VWA8: variants seen among roughly 807,000 people sequenced by gnomAD.
VWA8 encodes the protein von Willebrand factor A domain-containing protein 8.
In VWA8, 221 loss-of-function variants were observed where a neutral mutation model predicts 241.5. The observed-to-expected ratio is 0.91, with a 90% CI of 0.82 to 1.02. The LOEUF (loss-of-function observed/expected upper bound fraction) is 1.02, where lower values mean the gene tolerates loss of function less well. VWA8 is among the 50% of genes least tolerant of loss of function. The probability of loss-of-function intolerance (pLI) is 0.00; values close to 1 mark genes in which losing one functional copy is unlikely to be tolerated. For synonymous variants in VWA8, 852 were observed against 827.1 expected (o/e 1.03, Z -0.52); for missense variants, 2,322 against 2,328.7 (o/e 1.00, Z 0.06).
At chr13:41,858,703 T>G (rs997663247) in intron 12 of VWA8, among the ~76,000 whole-genome samples, 1 of 152,104 alleles carries the variant, frequency 6.6e-6, no homozygotes, top group Non-Finnish European at 1.5e-5. Context: ...AGTCAACCAT[T>G]TTAAAGTTCT....
At chr13:41,731,276 T>C (rs1410940352) in intron 22 of VWA8, among the ~76,000 whole-genome samples, 1 of 152,064 alleles carries the variant, frequency 6.6e-6, no homozygotes, top group East Asian at 1.9e-4. Flanking sequence ...CAGAGGGACA[T>C]GCCTGGCAGG....
At chr13:41,774,050 C>A (rs902724634) in intron 20 of VWA8, among the ~76,000 whole-genome samples, 3 of 152,062 alleles carry the variant, frequency 2.0e-5, no homozygotes, top group Non-Finnish European at 4.4e-5. Context: ...TCTTATAGCC[C>A]CCTGAAAACA....
chr13:41,747,897 C>T (rs952517844), intron 21 of VWA8, among the ~76,000 whole-genome samples: 14 of 152,240 alleles, frequency 9.2e-5, no homozygotes, highest in African/African-American at 2.6e-4. Flanking sequence ...TGCTGGATTA[C>T]GTTTATTGAT....
At chr13:41,703,743 T>G in intron 26 of VWA8, among the ~76,000 whole-genome samples, 1 of 152,102 alleles carries the variant, frequency 6.6e-6, no homozygotes. Flanking sequence ...AACTTTTCTT[T>G]AAAATTGGAG....
chr13:41,874,816 C>G (rs536631214), intron 9 of VWA8, among the ~76,000 whole-genome samples: 22 of 152,194 alleles, frequency 1.4e-4, no homozygotes, highest in Admixed American at 2.6e-4. Context: ...CACAATCTCT[C>G]CTGGGCTCTT....
At chr13:41,918,267 T>C (rs1285594874) in intron 2 of VWA8, among the ~76,000 whole-genome samples, 2 of 152,196 alleles carry the variant, frequency 1.3e-5, no homozygotes, top group Non-Finnish European at 2.9e-5. Flanking sequence ...GATGTTTCTA[T>C]GATCCAATAT....
chr13:41,586,948 A>G (rs1305324069), intron 42 of VWA8, among the ~76,000 whole-genome samples: 1 of 152,208 alleles, frequency 6.6e-6, no homozygotes, highest in Non-Finnish European at 1.5e-5. Context: ...TCAAGCAGTA[A>G]CACAGCAGCA....
intron 37 of VWA8, among the ~76,000 whole-genome samples, chr13:41,632,698 T>C (rs1050190303): frequency 4.6e-5 from 7 of 152,196 alleles, no homozygotes; most frequent in African/African-American, 1.2e-4. Flanking sequence ...ACAATAATGC[T>C]TATGAATCCA....
At chr13:41,708,878 T>C (rs2045299326) in intron 26 of VWA8, among the ~76,000 whole-genome samples, 1 of 152,226 alleles carries the variant, frequency 6.6e-6, no homozygotes, top group African/African-American at 2.4e-5. Flanking sequence ...TCTGGCTCTC[T>C]TCCTCCTCAC....
chr13:41,738,425 T>C (rs1037447808), intron 21 of VWA8, among the ~76,000 whole-genome samples: 2 of 152,178 alleles, frequency 1.3e-5, no homozygotes, highest in Admixed American at 6.5e-5. Context: ...AGTCACCTGA[T>C]GGAAACTAAA....
At chr13:41,866,727 T>C (rs1236370512) in intron 10 of VWA8, among the ~76,000 whole-genome samples, 3 of 152,172 alleles carry the variant, frequency 2.0e-5, no homozygotes, top group Non-Finnish European at 4.4e-5. Context: ...TTCCCAAAAT[T>C]CTAGTTGTAA....
chr13:41,734,716 G>C (rs569973988), intron 21 of VWA8, among the ~76,000 whole-genome samples: 2 of 152,240 alleles, frequency 1.3e-5, no homozygotes, highest in South Asian at 4.2e-4. Flanking sequence ...CCATAATCCT[G>C]GCTCTCCTGG....
intron 37 of VWA8, among the ~76,000 whole-genome samples, chr13:41,623,762 G>C (rs2044671986): frequency 2.6e-5 from 4 of 152,150 alleles, no homozygotes. Flanking sequence ...TTACTTCTAG[G>C]AGGATATTGT....
At chr13:41,901,889 A>T (rs4459461) in intron 4 of VWA8, among the ~76,000 whole-genome samples, 5,707 of 80,970 alleles carry the variant, frequency 0.07, 269 homozygotes, top group Non-Finnish European at 0.087. Flanking sequence ...AAAAAAAAAA[A>T]ATATATATAT....
chr13:41,567,903 C>T lies in VWA8; in HGVS notation c.*294G>A. 1 of 277,946 alleles carries T rather than the reference C, an allele frequency of 3.6e-6. No individual in the cohort carries two copies. The highest frequency in any genetic ancestry group is 6.7e-6 in the Non-Finnish European group (1 of 149,230). The allele number at this position is 277,946 out of a possible 1,614,324, so 17.2% of individuals were successfully genotyped here. On this transcript the variant is annotated 3_prime_UTR_variant, in exon 45 of 45. Transcript: ENST00000379310. Reference sequence around the variant, plus strand: ...CTCAGGTTTTTGGAAATAGACCAAACACATAGTTCTCAAAACCACCTTCCT... The same window carrying T: ...CTCAGGTTTTTGGAAATAGACCAAATACATAGTTCTCAAAACCACCTTCCT...
At chr13:41,695,646 A>G (rs1279396485) in intron 29 of VWA8, among the ~76,000 whole-genome samples, 1 of 152,180 alleles carries the variant, frequency 6.6e-6, no homozygotes, top group Non-Finnish European at 1.5e-5. Context: ...TTTAGAGGAC[A>G]GGTAGAGAGG....
At chr13:41,870,659 A>T (rs1873554594) in intron 9 of VWA8, among the ~76,000 whole-genome samples, 1 of 151,924 alleles carries the variant, frequency 6.6e-6, no homozygotes, top group Non-Finnish European at 1.5e-5. Flanking sequence ...AAAAGAAAAA[A>T]AATTTAGAAC....
chr13:41,777,230 G>T (rs1204690583), intron 20 of VWA8, among the ~76,000 whole-genome samples: 2 of 152,192 alleles, frequency 1.3e-5, no homozygotes, highest in Admixed American at 6.5e-5. Flanking sequence ...TGCAAAGACA[G>T]TCATATGGTA....
intron 21 of VWA8, among the ~76,000 whole-genome samples, chr13:41,733,483 G>A (rs1372102426): frequency 3.3e-5 from 5 of 152,160 alleles, no homozygotes; most frequent in East Asian, 3.9e-4. Flanking sequence ...GTATAACGCC[G>A]TATCTGGCAG....
Sources: allele counts gnomAD v4.1 joint callset (sites outside exome capture counted in the v4.1 genomes callset), GRCh38; gene constraint gnomAD v4.1.1; transcripts MANE v1.5; gene names NCBI Gene and HGNC (gene_info 2026-07-23, HGNC 2026-07-21).